Variants in CPQ observed in about 807,000 individuals in gnomAD.
CPQ encodes Ser-Met dipeptidase.
Under a neutral mutation model 45.7 loss-of-function variants are expected in CPQ, and 37 were observed. The observed-to-expected ratio is 0.81, with a 90% confidence interval of 0.62 to 1.07. The LOEUF (loss-of-function observed/expected upper bound fraction) is 1.07. Among genes scored for constraint, CPQ ranks in the 50% least tolerant of loss-of-function variants. The probability of loss-of-function intolerance (pLI) is 0.00; values close to 1 mark genes in which losing one functional copy is unlikely to be tolerated. For synonymous variants in CPQ, 186 were observed against 205.8 expected (o/e 0.90, Z 0.82); for missense variants, 537 against 572.9 (o/e 0.94, Z 0.64).
intron 1 of CPQ, among the ~76,000 whole-genome samples, chr8:96,653,117 A>G (rs1815597398): frequency 6.6e-6 from 1 of 152,148 alleles, no homozygotes; most frequent in Non-Finnish European, 1.5e-5. Context: ...TTTGTAGAGA[A>G]GGAGTTTCGC....
At chr8:97,114,247 G>A (rs1490342663) in intron 7 of CPQ, among the ~76,000 whole-genome samples, 1 of 152,222 alleles carries the variant, frequency 6.6e-6, no homozygotes, top group Non-Finnish European at 1.5e-5. Context: ...CGTGGTTGGT[G>A]ATCCATAGTG....
At chr8:96,925,492 C>T (rs377282300) in intron 4 of CPQ, among the ~76,000 whole-genome samples, 1 of 151,732 alleles carries the variant, frequency 6.6e-6, no homozygotes, top group Non-Finnish European at 1.5e-5. Flanking sequence ...AAGCGATTCT[C>T]GTGTCTCAGC....
At position 96,769,308 on chromosome 8, in the gene CPQ, G is replaced by A. The variant is rs550190226; in HGVS notation, c.-34-15556G>A. On this transcript the variant is annotated intron_variant, in intron 1 of 7. Coordinates refer to ENST00000220763, the MANE Select transcript of CPQ (RefSeq NM_016134.4). ...TCCCATTTTTGAGTTCTCTCAGATC[G>A]TAGGACCTCAGAATCACTCATTCCT... is the stretch of plus-strand genomic sequence containing the variant. Among the ~76,000 whole-genome samples the A allele has an allele frequency of 3.9e-5, 6 of 152,246 alleles. No individual in the cohort carries two copies. The East Asian group carries it at 5.8e-4, about 15-fold the overall frequency.
rs778316900 is a variant in CPQ, at chr8:96,879,937, A to G, written c.781A>G (p.Lys261Glu). The G allele has an allele frequency of 1.2e-6, 2 of 1,614,124 alleles. No homozygotes were observed. Among genetic ancestry groups the G allele is most frequent in the Admixed American group, 3.3e-5 (2 of 60,008 alleles). ...TGTCATTCAGCTAAAGATGGGGGCA[A>G]AGACCTACCCAGATACTGATTCCTT... ...KIVIQLKMGA[K>E]TYPDTDSFNT... The change falls in exon 4 of 8, where the codon AAG (lysine) becomes GAG (glutamate). Residue 261 changes from lysine to glutamate, a missense_variant. Lys to Glu is a moderately conservative substitution (Grantham distance 56). Coordinates refer to ENST00000220763, the MANE Select transcript of CPQ (RefSeq NM_016134.4).
chr8:96,875,755 A>T (rs1444915948), intron 3 of CPQ, among the ~76,000 whole-genome samples: 2 of 151,876 alleles, frequency 1.3e-5, no homozygotes, highest in Non-Finnish European at 2.9e-5. Flanking sequence ...TTCTTTTTTT[A>T]AAATTCTAAC....
intron 3 of CPQ, among the ~76,000 whole-genome samples, chr8:96,855,778 A>G (rs1433268092): frequency 6.6e-6 from 1 of 152,208 alleles, no homozygotes; most frequent in African/African-American, 2.4e-5. Flanking sequence ...AAATGCCATA[A>G]AAGATAAAAT....
chr8:97,018,495 C>T (rs981524527), intron 5 of CPQ, among the ~76,000 whole-genome samples: 1 of 151,994 alleles, frequency 6.6e-6, no homozygotes, highest in African/African-American at 2.4e-5. Context: ...AAAAATGATA[C>T]AAGAAGTGAA....
At chr8:96,812,526 A>G (rs991889738) in intron 2 of CPQ, among the ~76,000 whole-genome samples, 1 of 152,182 alleles carries the variant, frequency 6.6e-6, no homozygotes, top group Non-Finnish European at 1.5e-5. Flanking sequence ...GGATCAAAAT[A>G]TTAGTATGAC....
intron 5 of CPQ, among the ~76,000 whole-genome samples, chr8:97,026,433 T>G (rs1349990554): frequency 2.0e-5 from 3 of 152,198 alleles, no homozygotes; most frequent in Non-Finnish European, 4.4e-5. Context: ...AATGCCTTTC[T>G]GTACCCTACA....
At position 96,652,440 on chromosome 8, in the gene CPQ, T is replaced by C. The variant is rs146338288; in HGVS notation, c.-35+7038T>C. Among the ~76,000 whole-genome samples, 1,400 of 152,340 alleles carry C rather than the reference T, an allele frequency of 9.2e-3. 20 individuals carry two copies. The highest frequency in any genetic ancestry group is 0.032 in the African/African-American group (1,324 of 41,566). ...GAATAGTGCTGCAGTGAACATGGGA[T>C]TGCATATGTCTCTTTAATATAATTA... On this transcript the variant is annotated intron_variant, in intron 1 of 7. Coordinates refer to ENST00000220763, the MANE Select transcript of CPQ (RefSeq NM_016134.4).
At chr8:97,127,605 C>A (rs933763581) in intron 7 of CPQ, among the ~76,000 whole-genome samples, 5 of 152,096 alleles carry the variant, frequency 3.3e-5, no homozygotes, top group Non-Finnish European at 7.4e-5. Flanking sequence ...ACGGGAATTA[C>A]TTGAACCTGG....
chr8:97,024,203 C>T (rs551941575), intron 5 of CPQ, among the ~76,000 whole-genome samples: 1 of 152,072 alleles, frequency 6.6e-6, no homozygotes, highest in Non-Finnish European at 1.5e-5. Flanking sequence ...TTCCCTGCTC[C>T]GGGACCTTAG....
chr8:96,833,822 G>C (rs770343020), intron 2 of CPQ, among the ~76,000 whole-genome samples: 1 of 152,140 alleles, frequency 6.6e-6, no homozygotes, highest in Non-Finnish European at 1.5e-5. Flanking sequence ...CCAGCCCAAA[G>C]GGCCCATTAT....
chr8:96,825,531 G>A (rs113386010), intron 2 of CPQ, among the ~76,000 whole-genome samples: 3 of 152,096 alleles, frequency 2.0e-5, no homozygotes, highest in African/African-American at 7.2e-5. Context: ...ATTTGGTACT[G>A]GCTTTTAATT....
intron 1 of CPQ, among the ~76,000 whole-genome samples, chr8:96,688,387 C>T (rs1809262462): frequency 6.6e-6 from 1 of 151,994 alleles, no homozygotes; most frequent in Non-Finnish European, 1.5e-5. Flanking sequence ...GCTTTGAGGC[C>T]CACCTCATTT....
chr8:96,974,837 A>G (rs891037504), intron 5 of CPQ, among the ~76,000 whole-genome samples: 2 of 152,112 alleles, frequency 1.3e-5, no homozygotes, highest in African/African-American at 4.8e-5. Flanking sequence ...GACGCAGCCT[A>G]TCAAAACCTC....
intron 4 of CPQ, among the ~76,000 whole-genome samples, chr8:96,949,714 T>C (rs1371722756): frequency 6.6e-6 from 1 of 152,104 alleles, no homozygotes; most frequent in African/African-American, 2.4e-5. Flanking sequence ...ACCTCCTTGT[T>C]TGGCTTTACA....
intron 2 of CPQ, among the ~76,000 whole-genome samples, chr8:96,798,442 G>A (rs1810964502): frequency 6.6e-6 from 1 of 152,032 alleles, no homozygotes; most frequent in East Asian, 1.9e-4. Context: ...CCAGCCCCTA[G>A]ACCTCATCTT....
intron 1 of CPQ, among the ~76,000 whole-genome samples, chr8:96,666,789 T>C (rs1188809376): frequency 6.6e-6 from 1 of 152,212 alleles, no homozygotes; most frequent in Non-Finnish European, 1.5e-5. Flanking sequence ...TCTTCTGTCC[T>C]GCTTTTCTAA....
Sources: gnomAD v4.1 joint callset for allele counts (sites outside exome capture counted in the v4.1 genomes callset) on GRCh38, gnomAD v4.1.1 for gene constraint, MANE v1.5 for transcripts, NCBI Gene and HGNC (gene_info 2026-07-23, HGNC 2026-07-21) for gene names.